Variants in CSMD1 observed in about 807,000 individuals in gnomAD.
The protein encoded by CSMD1 is CUB and sushi domain-containing protein 1.
CSMD1 carries 213 observed loss-of-function variants against 417.5 expected under a neutral mutation model. That is an observed-to-expected ratio of 0.51 (90% CI 0.46 to 0.57). The LOEUF (loss-of-function observed/expected upper bound fraction) is 0.57. Ranked by LOEUF, CSMD1 falls within the 20% of genes least tolerant of loss-of-function variation. CSMD1 has a pLI of 0.00. For synonymous variants in CSMD1, 2,862 were observed against 1,736.8 expected, an observed-to-expected ratio of 1.65 and a Z score of -16.11; for missense variants, 6,923 against 4,529.7, an observed-to-expected ratio of 1.53 and a Z score of -15.17.
chr8:4,561,388 CA>C (rs1048849443), intron 2 of CSMD1, among the ~76,000 whole-genome samples: 1 of 151,808 alleles, frequency 6.6e-6, no homozygotes, highest in Non-Finnish European at 1.5e-5. Flanking sequence ...CAAAACAAAA[CA>C]AAAAAAATTC....
chr8:4,658,109 A>G (rs1804358937), intron 1 of CSMD1, among the ~76,000 whole-genome samples: 1 of 152,144 alleles, frequency 6.6e-6, no homozygotes, highest in South Asian at 2.1e-4. Flanking sequence ...CACATGGGGC[A>G]CCATGAAACA....
At chr8:4,746,036 T>C (rs1810926790) in intron 1 of CSMD1, among the ~76,000 whole-genome samples, 2 of 152,208 alleles carry the variant, frequency 1.3e-5, no homozygotes, top group South Asian at 2.1e-4. Context: ...TATTATGAAA[T>C]TGAGTTTTTA....
intron 5 of CSMD1, among the ~76,000 whole-genome samples, chr8:3,796,684 G>A (rs1800173670): frequency 6.7e-6 from 1 of 150,148 alleles, no homozygotes; most frequent in African/African-American, 2.4e-5. Context: ...GTATACATTG[G>A]AAGGTTAGAA....
At chr8:3,962,542 C>A (rs527243958) in intron 5 of CSMD1, among the ~76,000 whole-genome samples, 1 of 152,170 alleles carries the variant, frequency 6.6e-6, no homozygotes, top group South Asian at 2.1e-4. Flanking sequence ...CGCAGGTAAG[C>A]AAAGTGTAGG....
chr8:4,005,481 A>C (rs569090936), intron 4 of CSMD1, among the ~76,000 whole-genome samples: 15 of 152,238 alleles, frequency 9.9e-5, no homozygotes, highest in African/African-American at 3.6e-4. Context: ...TGAACACTGA[A>C]TTATCTCCAG....
At chr8:3,658,281 G>C (rs1321766138) in intron 7 of CSMD1, among the ~76,000 whole-genome samples, 32 of 151,926 alleles carry the variant, frequency 2.1e-4, no homozygotes, top group Non-Finnish European at 1.2e-4. Flanking sequence ...TCTTATCAAT[G>C]ATTGTATTTG....
At chr8:3,889,145 C>T (rs1013871219) in intron 5 of CSMD1, among the ~76,000 whole-genome samples, 1 of 151,848 alleles carries the variant, frequency 6.6e-6, no homozygotes, top group Non-Finnish European at 1.5e-5. Context: ...GATGAAAAAT[C>T]AGTGTTTAGA....
rs373026576 is a variant in CSMD1, at chr8:4,992,591, C to G, written c.85+1741G>C. On this transcript the variant is annotated intron_variant, in intron 1 of 69. Coordinates refer to ENST00000635120, the MANE Select transcript of CSMD1 (RefSeq NM_033225.6). ...CCCTTGGGCTCCTGCCCTCACCCCG[C>G]TGCGACACACACGCCCCAGCACACC... Among the ~76,000 whole-genome samples, 31 of 152,336 alleles carry G rather than the reference C, an allele frequency of 2.0e-4. No individual in the cohort carries two copies. In the East Asian group the frequency reaches 4.1e-3, roughly 20 times the overall value.
chr8:4,158,887 T>G (rs941229271), intron 3 of CSMD1, among the ~76,000 whole-genome samples: 1 of 152,180 alleles, frequency 6.6e-6, no homozygotes, highest in Non-Finnish European at 1.5e-5. Flanking sequence ...TACTACTGTT[T>G]CCAGCTGAAA....
intron 3 of CSMD1, among the ~76,000 whole-genome samples, chr8:4,221,044 C>A (rs1386331051): frequency 6.6e-6 from 1 of 152,096 alleles, no homozygotes; most frequent in African/African-American, 2.4e-5. Flanking sequence ...CCAGCTTTTC[C>A]CATGAGCGAA....
At chr8:2,982,553 T>C (rs963965116) in intron 54 of CSMD1, among the ~76,000 whole-genome samples, 2 of 152,154 alleles carry the variant, frequency 1.3e-5, no homozygotes, top group African/African-American at 4.8e-5. Flanking sequence ...GTGAATTATT[T>C]GAGCAGTTTT....
chr8:4,457,465 A>C (rs1453985215), intron 2 of CSMD1, among the ~76,000 whole-genome samples: 1 of 152,132 alleles, frequency 6.6e-6, no homozygotes, highest in Non-Finnish European at 1.5e-5. Flanking sequence ...AGTCTTGCTT[A>C]TTGGAAAAGA....
intron 23 of CSMD1, among the ~76,000 whole-genome samples, chr8:3,324,345 T>C (rs894709242): frequency 2.2e-4 from 33 of 148,936 alleles, no homozygotes; most frequent in Admixed American, 4.0e-4. Context: ...ACTGTTAAAA[T>C]AGACACACAT....
At chr8:4,840,093 C>A (rs1800749784) in intron 1 of CSMD1, among the ~76,000 whole-genome samples, 1 of 72,668 alleles carries the variant, frequency 1.4e-5, no homozygotes. Flanking sequence ...GAAGAGCCTA[C>A]CTGTCCACTC....
At chr8:3,140,978 A>C (rs1253979274) in intron 41 of CSMD1, among the ~76,000 whole-genome samples, 1 of 152,158 alleles carries the variant, frequency 6.6e-6, no homozygotes, top group East Asian at 1.9e-4. Flanking sequence ...GCAGGTACCC[A>C]TTATCTGTGC....
chr8:3,980,381 T>C (rs1451112158), intron 5 of CSMD1, among the ~76,000 whole-genome samples: 2 of 152,140 alleles, frequency 1.3e-5, no homozygotes, highest in Non-Finnish European at 2.9e-5. Context: ...TTTTAAGTGT[T>C]GACCTATTCC....
intron 7 of CSMD1, among the ~76,000 whole-genome samples, chr8:3,646,108 C>T (rs370570469): frequency 2.7e-5 from 4 of 149,826 alleles, no homozygotes; most frequent in Admixed American, 6.7e-5. Flanking sequence ...ACTCTTCAGC[C>T]GAGAAAACCT....
intron 27 of CSMD1, among the ~76,000 whole-genome samples, chr8:3,228,571 T>C (rs936684896): frequency 2.0e-5 from 3 of 152,212 alleles, no homozygotes; most frequent in African/African-American, 7.2e-5. Context: ...TGGTGCGTAT[T>C]GGACTACCTA....
chr8:3,733,244 ATAT>A (rs1796359146), intron 6 of CSMD1, among the ~76,000 whole-genome samples: 1 of 115,758 alleles, frequency 8.6e-6, no homozygotes, highest in Admixed American at 9.2e-5. Context: ...TATATTACAC[ATAT>A]TAATATATAT....
Sources: allele counts gnomAD v4.1 joint callset (sites outside exome capture counted in the v4.1 genomes callset), GRCh38; gene constraint gnomAD v4.1.1; transcripts MANE v1.5; gene names NCBI Gene and HGNC (gene_info 2026-07-23, HGNC 2026-07-21).